The following XYLB variants were observed in gnomAD, a reference collection of about 807,000 sequenced individuals.
The protein encoded by XYLB is xylulose kinase.
Under a neutral mutation model 78.7 loss-of-function variants are expected in XYLB, and 62 were observed. The observed-to-expected ratio is 0.79, with a 90% CI of 0.64 to 0.97. The LOEUF is 0.97. Ranked by LOEUF, XYLB falls within the 50% of genes least tolerant of loss-of-function variation. XYLB has a pLI of 0.00. For missense variants in XYLB, 687 were observed against 676.8 expected (o/e 1.02, Z -0.17); for synonymous variants, 245 against 247.4 (o/e 0.99, Z 0.09).
At chr3:38,436,786 C>T in the XYLB span, among the ~76,000 whole-genome samples, 1 of 151,896 alleles carries the variant, frequency 6.6e-6, no homozygotes, top group Non-Finnish European at 1.5e-5. Flanking sequence ...GGCAGATCAC[C>T]TGAGGTCAGG....
downstream of XYLB, among the ~76,000 whole-genome samples, chr3:38,416,961 T>A (rs189339633): frequency 5.9e-5 from 9 of 152,292 alleles, no homozygotes; most frequent in East Asian, 1.7e-3. Flanking sequence ...CATAACAAAT[T>A]ATGCAAGGAA....
At chr3:38,433,194 G>C in the XYLB span, among the ~76,000 whole-genome samples, 1 of 152,232 alleles carries the variant, frequency 6.6e-6, no homozygotes, top group Non-Finnish European at 1.5e-5. Flanking sequence ...TGAAGCCACA[G>C]CCCAAGCTGT....
At chr3:38,382,578 G>A (rs924559943) in intron 15 of XYLB, among the ~76,000 whole-genome samples, 1 of 152,186 alleles carries the variant, frequency 6.6e-6, no homozygotes, top group Admixed American at 6.5e-5. Flanking sequence ...CACCCTAAGT[G>A]TAAAAAGACG....
At chr3:38,445,315 G>A in the XYLB span, among the ~76,000 whole-genome samples, 3 of 152,242 alleles carry the variant, frequency 2.0e-5, no homozygotes, top group East Asian at 3.9e-4. Flanking sequence ...TCCCCCACGC[G>A]ACGGGGCTTT....
chr3:38,368,089 C>T, intron 7 of XYLB, 96 bp from the exon 8 acceptor site: 1 of 1,223,550 alleles, frequency 8.2e-7, no homozygotes, highest in Non-Finnish European at 1.2e-6. Context: ...CCACTTCCCT[C>T]TCCAATTTTT....
At chr3:38,397,035 A>G (rs369270646) in intron 16 of XYLB, 37 bp from the exon 17 acceptor site, 39 of 1,603,462 alleles carry the variant, frequency 2.4e-5, no homozygotes, top group Middle Eastern at 3.3e-4. Context: ...CCTCTGAGGA[A>G]TGGCTCACCA....
intron 18 of XYLB, among the ~76,000 whole-genome samples, chr3:38,412,715 A>G (rs1575548235): frequency 6.6e-6 from 1 of 152,182 alleles, no homozygotes; most frequent in Admixed American, 6.5e-5. Flanking sequence ...ATTTGATCAT[A>G]AAAATTGGTT....
chr3:38,356,345 T>A (rs1357069634), intron 2 of XYLB: 1 of 152,778 alleles, frequency 6.5e-6, no homozygotes, highest in Non-Finnish European at 1.5e-5. Flanking sequence ...AATTTGATGG[T>A]TTTAGTATAT....
At chr3:38,376,377 C>T (rs1035577839) in intron 13 of XYLB, 145 bp downstream of exon 13, 2 of 647,570 alleles carry the variant, frequency 3.1e-6, no homozygotes, top group Admixed American at 5.1e-5. Context: ...ATATTCCACA[C>T]ATCCTACAAG....
exon 18 of XYLB, among the ~76,000 whole-genome samples, chr3:38,420,255 GTTTTC>G (rs1415993297): frequency 1.3e-5 from 2 of 152,226 alleles, no homozygotes; most frequent in East Asian, 1.9e-4. Context: ...AACAAAGACA[GTTTTC>G]TTCTCTTCAA....
At chr3:38,422,240 G>A (rs1709001574), downstream of XYLB, among the ~76,000 whole-genome samples, 1 of 152,166 alleles carries the variant, frequency 6.6e-6, no homozygotes, top group Non-Finnish European at 1.5e-5. Context: ...CATTGATTCA[G>A]ATTACAGTGG....
At chr3:38,452,732 C>CTAT in the XYLB span, 1 of 152,172 alleles carries the variant, frequency 6.6e-6, no homozygotes, top group Non-Finnish European at 1.5e-5. Context: ...CTCGCCCTGC[C>CTAT]TATAGTGAAC....
downstream of XYLB, among the ~76,000 whole-genome samples, chr3:38,416,015 A>G (rs1490750921): frequency 1.3e-5 from 2 of 152,156 alleles, no homozygotes; most frequent in African/African-American, 2.4e-5. Flanking sequence ...AGAACTCTCT[A>G]TCATGAGAAC....
At chr3:38,371,738 A>G (rs745645675) in intron 9 of XYLB, among the ~76,000 whole-genome samples, 2 of 152,178 alleles carry the variant, frequency 1.3e-5, no homozygotes, top group Non-Finnish European at 1.5e-5. Flanking sequence ...CTCTGCCACC[A>G]TGAGGCAGAA....
downstream of XYLB, among the ~76,000 whole-genome samples, chr3:38,417,654 G>A (rs1708840607): frequency 6.6e-6 from 1 of 151,914 alleles, no homozygotes; most frequent in Admixed American, 6.6e-5. Flanking sequence ...GGCCAAGGCG[G>A]GCGGATCATG....
At chr3:38,423,158 C>T (rs527657676), downstream of XYLB, among the ~76,000 whole-genome samples, 52 of 152,228 alleles carry the variant, frequency 3.4e-4, no homozygotes, top group Non-Finnish European at 6.3e-4. Context: ...CTGCAAGCTC[C>T]GCCTCCTGGG....
intron 15 of XYLB, among the ~76,000 whole-genome samples, chr3:38,389,500 C>T (rs1707553479): frequency 6.6e-6 from 1 of 152,232 alleles, no homozygotes; most frequent in African/African-American, 2.4e-5. Context: ...AGAGGGGCTC[C>T]TCACTTCCCA....
chr3:38,409,407 A>G (rs1234790068), intron 18 of XYLB, among the ~76,000 whole-genome samples: 1 of 152,256 alleles, frequency 6.6e-6, no homozygotes, highest in African/African-American at 2.4e-5. Context: ...AGAGCTATCT[A>G]TGACAAACCC....
At chr3:38,376,377 C>A in intron 13 of XYLB, 145 bp downstream of exon 13, 1 of 647,688 alleles carries the variant, frequency 1.5e-6, no homozygotes, top group Middle Eastern at 4.2e-4. Context: ...ATATTCCACA[C>A]ATCCTACAAG....
Sources: gnomAD v4.1 joint callset for allele counts (sites outside exome capture counted in the v4.1 genomes callset) on GRCh38, gnomAD v4.1.1 for gene constraint, MANE v1.5 for transcripts, NCBI Gene and HGNC (gene_info 2026-07-23, HGNC 2026-07-21) for gene names.